The following ARAP2 variants were observed in gnomAD, a reference collection of about 807,000 sequenced individuals.
ARAP2 encodes the protein ArfGAP with RhoGAP domain, ankyrin repeat and PH domain 2.
ARAP2 carries 148 observed loss-of-function variants against 194.5 expected under a neutral mutation model. The observed-to-expected ratio is 0.76, with a 90% CI of 0.67 to 0.87. The LOEUF (loss-of-function observed/expected upper bound fraction) is 0.87, where lower values mean the gene tolerates loss of function less well. Among genes scored for constraint, ARAP2 ranks in the 40% least tolerant of loss-of-function variants. The pLI, the probability that ARAP2 is intolerant of heterozygous loss-of-function variation, is 0.00. For synonymous variants in ARAP2, 695 were observed against 683.5 expected (o/e 1.02, Z -0.26); for missense variants, 2,128 against 1,989.7 (o/e 1.07, Z -1.32).
chr4:36,104,820 G>A (rs893356166), intron 27 of ARAP2, among the ~76,000 whole-genome samples: 1 of 151,958 alleles, frequency 6.6e-6, no homozygotes, highest in Admixed American at 6.6e-5. Context: ...TCTTATTTTT[G>A]ACCAGACTAC....
At chr4:36,102,830 C>T (rs1287027675) in intron 27 of ARAP2, among the ~76,000 whole-genome samples, 2 of 151,690 alleles carry the variant, frequency 1.3e-5, no homozygotes, top group African/African-American at 2.4e-5. Flanking sequence ...AGAGTTAATA[C>T]AAATTTACCA....
At chr4:36,090,954 T>C (rs1713459236) in intron 28 of ARAP2, among the ~76,000 whole-genome samples, 1 of 152,136 alleles carries the variant, frequency 6.6e-6, no homozygotes, top group African/African-American at 2.4e-5. Context: ...CCTGTCGCAG[T>C]CTTATAAAAA....
chr4:36,203,245 A>G (rs975375205), intron 6 of ARAP2, among the ~76,000 whole-genome samples: 4 of 152,132 alleles, frequency 2.6e-5, no homozygotes, highest in African/African-American at 7.2e-5. Context: ...AGTCTACATC[A>G]TAACTATCAA....
At chr4:36,110,709 G>A (rs1719735443) in intron 26 of ARAP2, among the ~76,000 whole-genome samples, 2 of 151,800 alleles carry the variant, frequency 1.3e-5, no homozygotes, top group Non-Finnish European at 2.9e-5. Flanking sequence ...CCACGAATCT[G>A]ACTACCATAT....
chr4:36,038,818 T>C (rs760180541), intron 5 of ARAP2, among the ~76,000 whole-genome samples: 32 of 152,208 alleles, frequency 2.1e-4, no homozygotes, highest in Non-Finnish European at 3.2e-4. Context: ...TAAAATAGAT[T>C]GGGCTATTCA....
intron 6 of ARAP2, chr4:36,016,045 A>G (rs1052958346): frequency 6.6e-6 from 1 of 152,206 alleles, no homozygotes; most frequent in Non-Finnish European, 1.5e-5. Flanking sequence ...CGAGAAATCA[A>G]TTTAAAGTCT....
intron 5 of ARAP2, among the ~76,000 whole-genome samples, chr4:36,040,733 T>G (rs1720718394): frequency 6.6e-6 from 1 of 152,116 alleles, no homozygotes; most frequent in Non-Finnish European, 1.5e-5. Flanking sequence ...GGAAGGAGCT[T>G]TTGGGTCGAG....
chr4:36,208,512 C>G (rs1348988804), intron 6 of ARAP2, among the ~76,000 whole-genome samples: 2 of 152,164 alleles, frequency 1.3e-5, no homozygotes, highest in African/African-American at 4.8e-5. Context: ...TCTCAATCAG[C>G]GCTATCTGCA....
chr4:36,083,868 T>G (rs1730202402), intron 28 of ARAP2, among the ~76,000 whole-genome samples: 1 of 152,112 alleles, frequency 6.6e-6, no homozygotes, highest in Admixed American at 6.6e-5. Context: ...GTCAGTGGAC[T>G]GGGTGGGCAC....
At chr4:36,095,490 T>C (rs1714909405) in intron 27 of ARAP2, among the ~76,000 whole-genome samples, 1 of 152,006 alleles carries the variant, frequency 6.6e-6, no homozygotes, top group African/African-American at 2.4e-5. Flanking sequence ...CAGAAATAAA[T>C]ACAAAGCAAA....
At chr4:36,034,400 T>G (rs1719548992) in intron 5 of ARAP2, among the ~76,000 whole-genome samples, 1 of 152,116 alleles carries the variant, frequency 6.6e-6, no homozygotes, top group Non-Finnish European at 1.5e-5. Flanking sequence ...ATTATTTTTG[T>G]GGATATTGTG....
In ARAP2 at chr4:36,097,545, A is replaced by G. The variant is rs149972503; in HGVS notation, c.4286-5525T>C. ...TGTTCAGGTACTGGTTGGACTCTCA[A>G]CTTTGGGGTACTTCACTCATACTTT... On this transcript the variant is annotated intron_variant, in intron 27 of 32. Transcript: ENST00000303965. 2.0e-4 allele frequency among the ~76,000 whole-genome samples: 31 copies of G among 152,138 alleles called. 1 individual carries two copies. The East Asian group carries it at 5.6e-3, about 28-fold the overall frequency.
At chr4:36,193,398 TA>T (rs1742380680) in intron 7 of ARAP2, among the ~76,000 whole-genome samples, 179 bp downstream of exon 7, 1 of 152,200 alleles carries the variant, frequency 6.6e-6, no homozygotes, top group Non-Finnish European at 1.5e-5. Flanking sequence ...AGTACATACT[TA>T]AGACAAAAAT....
intron 27 of ARAP2, 100 bp downstream of exon 27, chr4:36,107,465 C>T: frequency 1.6e-6 from 2 of 1,260,426 alleles, no homozygotes; most frequent in Non-Finnish European, 2.2e-6. Flanking sequence ...TATCTAGCTA[C>T]TCGTTTTTCA....
chr4:36,022,140 T>C (rs956236000), intron 5 of ARAP2, among the ~76,000 whole-genome samples: 5 of 152,244 alleles, frequency 3.3e-5, no homozygotes. Flanking sequence ...GTATATGCAG[T>C]CCATCATTGA....
chr4:36,075,322 T>G (rs931640784), intron 31 of ARAP2, among the ~76,000 whole-genome samples: 3 of 152,152 alleles, frequency 2.0e-5, no homozygotes, highest in Non-Finnish European at 4.4e-5. Flanking sequence ...CTCCTTGAAT[T>G]GAACTAAGAG....
At chr4:36,198,099 G>T (rs1308519123) in intron 6 of ARAP2, among the ~76,000 whole-genome samples, 2 of 152,196 alleles carry the variant, frequency 1.3e-5, no homozygotes, top group Non-Finnish European at 1.5e-5. Context: ...AGTGGAGGGT[G>T]AGCAAGGCGA....
At chr4:36,241,535 A>C (rs1261271823) in intron 1 of ARAP2, among the ~76,000 whole-genome samples, 1 of 152,212 alleles carries the variant, frequency 6.6e-6, no homozygotes, top group African/African-American at 2.4e-5. Flanking sequence ...AAAGAAAGTG[A>C]AGATACAGTC....
At chr4:36,053,590 T>C (rs1040490891) in intron 2 of ARAP2, among the ~76,000 whole-genome samples, 16 of 152,230 alleles carry the variant, frequency 1.1e-4, no homozygotes, top group Admixed American at 2.6e-4. Flanking sequence ...CTTCAACTCC[T>C]GGGCTTCTAG....
Sources: allele counts gnomAD v4.1 joint callset (sites outside exome capture counted in the v4.1 genomes callset), GRCh38; gene constraint gnomAD v4.1.1; transcripts MANE v1.5; gene names NCBI Gene and HGNC (gene_info 2026-07-23, HGNC 2026-07-21).